LCT: variants seen among roughly 807,000 people sequenced by gnomAD.
LCT encodes the protein lactase.
In LCT, 90 loss-of-function variants were observed where a neutral mutation model predicts 173.0. The observed-to-expected ratio is 0.52, with a 90% CI of 0.44 to 0.62. LCT has a LOEUF of 0.62. Ranked by LOEUF, LCT falls within the 20% of genes least tolerant of loss-of-function variation. LCT has a pLI of 0.00. For synonymous variants in LCT, 853 were observed against 957.6 expected, an observed-to-expected ratio of 0.89 and a Z score of 2.02; for missense variants, 1,864 against 2,431.4, an observed-to-expected ratio of 0.77 and a Z score of 4.91.
chr2:135,798,208 C>A, intron 12 of LCT, 70 bp from the exon 13 acceptor site: 1 of 845,162 alleles, frequency 1.2e-6, no homozygotes, highest in South Asian at 1.3e-5. Flanking sequence ...ATCGTCCCCG[C>A]TCAGAAGTGC....
rs972851679 is a variant in LCT, at chr2:135,790,834, A to T, written c.5159T>A (p.Phe1720Tyr). ...ADRSWPDSGSFWLKMTPFGFR... is the reference protein window; with the variant it reads ...ADRSWPDSGSYWLKMTPFGFR... Reference sequence around the variant, plus strand: ...GCCAAAAGGCGTCATCTTCAGCCAGAAGGAGCCAGAGTCTGGCCACGAGCG... The same window carrying T: ...GCCAAAAGGCGTCATCTTCAGCCAGTAGGAGCCAGAGTCTGGCCACGAGCG... Residue 1720 changes from phenylalanine (F) to tyrosine (Y), a missense_variant, in exon 15 of 17, where the codon TTC (phenylalanine) becomes TAC (tyrosine). Physicochemically the swap from Phe to Tyr is conservative, Grantham distance 22 (BLOSUM62 3). Coordinates refer to ENST00000264162, the MANE Select transcript of LCT (RefSeq NM_002299.4). This position sits in a 1 kb window ranked among gnomAD's most constrained non-coding sequence, Gnocchi z 4.1. 1 of 1,614,104 alleles carries T rather than the reference A, an allele frequency of 6.2e-7. No individual in the cohort carries two copies. The highest frequency in any genetic ancestry group is 8.5e-7 in the Non-Finnish European group (1 of 1,180,056).
intron 2 of LCT, among the ~76,000 whole-genome samples, chr2:135,831,072 A>C (rs2077933177): frequency 6.6e-6 from 1 of 152,066 alleles, no homozygotes; most frequent in Non-Finnish European, 1.5e-5. Context: ...CACCACATTA[A>C]GTCTTGGTCT....
chr2:135,823,261 T>C (rs2077852180), intron 4 of LCT, among the ~76,000 whole-genome samples: 1 of 152,182 alleles, frequency 6.6e-6, no homozygotes, highest in African/African-American at 2.4e-5. Context: ...CCTTCCTCCC[T>C]TCTTGCAGAG....
chr2:135,828,123 C>T (rs1222193297), intron 3 of LCT, among the ~76,000 whole-genome samples: 2 of 152,188 alleles, frequency 1.3e-5, no homozygotes, highest in African/African-American at 4.8e-5. Flanking sequence ...CTCCCAGGTT[C>T]AAGTGATTCT....
At chr2:135,794,502 T>G in intron 14 of LCT, 139 bp downstream of exon 14, 2 of 865,662 alleles carry the variant, frequency 2.3e-6, no homozygotes, top group Non-Finnish European at 3.8e-6. Context: ...ATCTGTGGGG[T>G]GGCGAGCATC....
Position 135,804,129 on chromosome 2 carries a change from C to T in LCT, c.4465-1G>A. 6.2e-7 allele frequency: 1 copy of T among 1,613,166 alleles called. No individual in the cohort carries two copies. The highest frequency in any genetic ancestry group is 8.5e-7 in the Non-Finnish European group (1 of 1,179,712). On this transcript the variant is annotated splice_acceptor_variant, in intron 10 of 16. Coordinates refer to ENST00000264162, the MANE Select transcript of LCT (RefSeq NM_002299.4). LOFTEE classifies it high-confidence loss of function. ...GTAGGTCCCAGTGGTAAATGGTCAC[C>T]TGGGAAGAAGCCAGATCAGCTGTTG...
chr2:135,796,069 G>A (rs1011361), intron 13 of LCT, among the ~76,000 whole-genome samples: 80,312 of 152,050 alleles, frequency 0.53, 25,529 homozygotes, highest in Non-Finnish European at 0.73. Context: ...TTCTTAACCT[G>A]TAGATGGAGC....
At chr2:135,834,460 C>T (rs1235003070) in intron 1 of LCT, among the ~76,000 whole-genome samples, 1 of 148,242 alleles carries the variant, frequency 6.7e-6, no homozygotes, top group Non-Finnish European at 1.5e-5. Flanking sequence ...GCTGGGATTA[C>T]AAGCGTGAAC....
At position 135,801,869 on chromosome 2, in the gene LCT, C is replaced by T. The variant is rs149050733; in HGVS notation, c.4664-1060G>A. 3.4e-3 allele frequency among the ~76,000 whole-genome samples: 519 copies of T among 152,080 alleles called. 3 individuals carry two copies. The highest frequency in any genetic ancestry group is 0.011 in the African/African-American group (475 of 41,522). On this transcript the variant is annotated intron_variant, in intron 11 of 16. Transcript: ENST00000264162. ...GATTACAGGCGTGAGATACCATACT[C>T]GGCCTATGATTATTTTTGAGACAGG...
intron 6 of LCT, 108 bp from the exon 7 acceptor site, chr2:135,813,064 A>G: frequency 1.1e-6 from 1 of 950,222 alleles, no homozygotes; most frequent in East Asian, 2.6e-5. Flanking sequence ...AAGTCAATAA[A>G]GACAACAACA....
chr2:135,821,899 A>C (rs2077835647), intron 5 of LCT, 121 bp downstream of exon 5: 4 of 719,110 alleles, frequency 5.6e-6, no homozygotes, highest in Non-Finnish European at 1.0e-5. Context: ...ATTGAATGGC[A>C]ATAAACAACT....
intron 6 of LCT, among the ~76,000 whole-genome samples, chr2:135,816,080 G>A (rs928523167): frequency 2.0e-5 from 3 of 152,210 alleles, no homozygotes; most frequent in Non-Finnish European, 2.9e-5. Flanking sequence ...GAAGAACGCT[G>A]CCAAAGAAAG....
Position 135,807,150 on chromosome 2 carries a change from C to T in LCT, c.4151G>A (p.Ser1384Asn). The change falls in exon 9 of 17, where the codon AGT (serine) becomes AAT (asparagine). Residue 1384 changes from serine (S) to asparagine (N), a missense_variant. Coordinates refer to ENST00000264162, the MANE Select transcript of LCT (RefSeq NM_002299.4). ...CACCTGATATGCAGCAGAAGCTGCA[C>T]TCCAGATGAAGCCCTCAGGAAACCG... ...YGRFPEGFIW[S>N]AASAAYQIEG... The T allele has an allele frequency of 6.2e-7, 1 of 1,614,238 alleles. No homozygotes were observed. Among genetic ancestry groups the T allele is most frequent in the Non-Finnish European group, 8.5e-7 (1 of 1,180,026 alleles).
intron 7 of LCT, chr2:135,810,212 TAGA>T (rs2077723625): frequency 7.4e-6 from 4 of 537,774 alleles, no homozygotes; most frequent in Admixed American, 3.3e-5. Context: ...AGAAGGGTAT[TAGA>T]AGCTGTTTGA....
At chr2:135,795,753 T>A (rs59757866) in intron 13 of LCT, among the ~76,000 whole-genome samples, 7,541 of 151,862 alleles carry the variant, frequency 0.05, 345 homozygotes, top group African/African-American at 0.12. Context: ...CCTTTTTTTT[T>A]TCCCAGACAG....
At position 135,809,906 on chromosome 2, in the gene LCT, C is replaced by T; in HGVS notation, c.2441G>A (p.Arg814Gln). ...GAAGTTGACGTGGTGCAGGCCAAAC[C>T]GCTGGCTGTAACCAGAAGGGCCTTC... is the stretch of plus-strand genomic sequence containing the variant. ...GFEGPSGYSQ[R>Q]FGLHHVNFSD... The change falls in exon 8 of 17, where the codon CGG becomes CAG. Residue 814 changes from arginine (R) to glutamine (Q), a missense_variant. Coordinates refer to ENST00000264162, the MANE Select transcript of LCT (RefSeq NM_002299.4). The surrounding 1 kb of genome is among the most constrained non-coding windows in gnomAD (Gnocchi z 5.5). 4 of 1,614,154 alleles carry T rather than the reference C, an allele frequency of 2.5e-6. No homozygotes were observed. The highest frequency in any genetic ancestry group is 2.5e-6 in the Non-Finnish European group (3 of 1,180,026).
At chr2:135,815,153 G>C (rs2077769020) in intron 6 of LCT, among the ~76,000 whole-genome samples, 1 of 152,116 alleles carries the variant, frequency 6.6e-6, no homozygotes, top group African/African-American at 2.4e-5. Context: ...CAGAATGCTG[G>C]GAAATAAATA....
chr2:135,836,964 G>A lies in LCT; in HGVS notation c.206C>T (p.Pro69Leu). 1 of 1,614,144 alleles carries A rather than the reference G, an allele frequency of 6.2e-7. No homozygotes were observed. Among genetic ancestry groups the A allele is most frequent in the African/African-American group, 1.3e-5 (1 of 75,036 alleles). ...KDMYVCHQPL[P>L]TFLPEYFSSL... ...GCTGAAGTATTCTGGCAGGAAAGTG[G>A]GCAGTGGCTGGTGACAAACATACAT... Residue 69 changes from proline (P) to leucine (L), a missense_variant, in exon 1 of 17, where the codon CCC (proline) becomes CTC (leucine). Pro to Leu is a moderately conservative substitution (Grantham distance 98). Around this residue, in one of 4 missense-constraint regions of LCT, gnomAD observed 412 missense variants for 462.0 expected, o/e 0.89. Coordinates refer to ENST00000264162, the MANE Select transcript of LCT (RefSeq NM_002299.4).
chr2:135,814,616 A>C (rs1018881652), intron 6 of LCT, among the ~76,000 whole-genome samples: 1 of 151,604 alleles, frequency 6.6e-6, no homozygotes, highest in African/African-American at 2.4e-5. Flanking sequence ...TCCTAGGTTC[A>C]AGCGATTTTC....
Sources: allele counts gnomAD v4.1 joint callset (sites outside exome capture counted in the v4.1 genomes callset), GRCh38; gene constraint gnomAD v4.1.1; regional missense constraint gnomAD v4.1.1; non-coding constraint Gnocchi (gnomAD v3.1); transcripts MANE v1.5; gene names NCBI Gene and HGNC (gene_info 2026-07-23, HGNC 2026-07-21).